The following ZNF630 variants were observed in gnomAD, a reference collection of about 807,000 sequenced individuals.
The protein encoded by ZNF630 is zinc finger protein 630.
In ZNF630, 5 loss-of-function variants were observed where a neutral mutation model predicts 7.2. That is an observed-to-expected ratio of 0.70 (90% CI 0.36 to 1.46). ZNF630 has a LOEUF of 1.46. Among genes scored for constraint, ZNF630 ranks in the 40% most tolerant of loss-of-function variants. The pLI is 0.03. For missense variants in ZNF630, 461 were observed against 477.0 expected, an observed-to-expected ratio of 0.97 and a Z score of 0.31; for synonymous variants, 158 against 162.8, an observed-to-expected ratio of 0.97 and a Z score of 0.23.
At chrX:48,067,403 G>T (rs1488679180) in intron 1 of ZNF630, among the ~76,000 whole-genome samples, 1 of 112,415 alleles carries the variant, frequency 8.9e-6, no homozygotes, top group Admixed American at 9.4e-5. Flanking sequence ...TTTTACCTTA[G>T]GGTAACAGCA....
In ZNF630 at chrX:48,071,590, C is replaced by T. The variant is rs782383948; in HGVS notation, c.-499G>A. The T allele has an allele frequency of 2.3e-4, 25 of 110,952 alleles. No homozygotes were observed. The highest frequency in any genetic ancestry group is 5.7e-5 in the Non-Finnish European group (3 of 52,907). 9.1% of individuals were successfully genotyped at this position (110,952 alleles called of 1,213,427 possible). ...CGAGTTTGGGTATTCGGAATTGATC[C>T]TACGAAAGCAGTGTGAGGCTTGGAA... is the stretch of plus-strand genomic sequence containing the variant. On this transcript the variant is annotated 5_prime_UTR_variant, in exon 1 of 5. Coordinates refer to ENST00000276054, the MANE Select transcript of ZNF630 (RefSeq NM_001282201.2).
Position 48,060,894 on chromosome X carries a change from G to T in ZNF630, c.67C>A (p.Gln23Lys), listed in dbSNP as rs782312426. The T allele has an allele frequency of 6.6e-6, 8 of 1,203,330 alleles. No individual in the cohort carries two copies. The African/African-American group carries it at 1.4e-4, about 21-fold the overall frequency. The change falls in exon 3 of 5, where the codon CAG (glutamine) becomes AAG (lysine). Residue 23 changes from glutamine to lysine, a missense_variant. Coordinates refer to ENST00000276054, the MANE Select transcript of ZNF630 (RefSeq NM_001282201.2). The part of the protein sequence containing the change: ...VAVDFTQEEW[Q>K]QLNPAQKTLH... ...GTCTTCTGAGCAGGATTCAACTGCT[G>T]CCACTCTTCCTGCGTGAAGTCCACA...
rs147766244 is a variant in ZNF630 at position 48,059,194 on chromosome X, T to C, written c.1248A>G (p.Thr416=). The C allele has an allele frequency of 1.2e-4, 150 of 1,206,976 alleles. 2 individuals carry two copies. The highest frequency in any genetic ancestry group is 1.5e-4 in the Non-Finnish European group (137 of 892,952). ...TECGKTFPRK[T]QLIIHQRTHT... is the part of the protein sequence containing the mutation. ...GCGTTCTCTGATGTATAATGAGCTG[T>C]GTTTTCCGAGGGAAGGTCTTCCCAC... Residue 416 remains threonine (T), a synonymous_variant, in exon 5 of 5, where the codon ACA becomes ACG. Transcript: ENST00000276054.
intron 2 of ZNF630, among the ~76,000 whole-genome samples, chrX:48,063,265 CAAA>C (rs782317074): frequency 3.3e-5 from 1 of 30,151 alleles, no homozygotes; most frequent in Admixed American, 4.0e-4. Flanking sequence ...ACTACCTGGC[CAAA>C]AAAAAAAAAA....
rs201458224 is a variant in ZNF630 at position 48,059,594 on chromosome X, C to A, written c.848G>T (p.Arg283Ile). 23 of 1,206,946 alleles carry A rather than the reference C, an allele frequency of 1.9e-5. 1 individual carries two copies. Among genetic ancestry groups the A allele is most frequent in the South Asian group, 1.2e-4 (7 of 56,684 alleles). ...ATATGGTTTCTCTCCAGTATGAATT[C>A]TTTGATGTATAATGAGCTGTGACTT... The part of the protein sequence containing the change: ...IKKSQLIIHQ[R>I]IHTGEKPYVC... The change falls in exon 5 of 5, where the codon AGA (arginine) becomes ATA (isoleucine). Residue 283 changes from arginine (R) to isoleucine (I), a missense_variant. Coordinates refer to ENST00000276054, the MANE Select transcript of ZNF630 (RefSeq NM_001282201.2).
At chrX:48,070,747 C>T (rs1361980237) in intron 1 of ZNF630, among the ~76,000 whole-genome samples, 2 of 109,974 alleles carry the variant, frequency 1.8e-5, no homozygotes, top group Non-Finnish European at 3.8e-5. Context: ...AAAATGTGCT[C>T]AAACTTATTG....
chrX:48,060,314 T>C, intron 4 of ZNF630, 111 bp from the exon 5 acceptor site: 1 of 979,847 alleles, frequency 1.0e-6, no homozygotes, highest in South Asian at 2.4e-5. Flanking sequence ...ACAGAGGTAC[T>C]AGGAAGGTGG....
At chrX:48,068,319 C>T (rs1191287505) in intron 1 of ZNF630, among the ~76,000 whole-genome samples, 2 of 109,504 alleles carry the variant, frequency 1.8e-5, no homozygotes, top group Non-Finnish European at 3.8e-5. Context: ...AAGGGCATTC[C>T]GGGAGGAAGA....
intron 1 of ZNF630, among the ~76,000 whole-genome samples, chrX:48,068,300 A>G (rs781784800): frequency 1.0e-5 from 1 of 100,126 alleles, no homozygotes; most frequent in Non-Finnish European, 2.0e-5. Context: ...AGGAAGGAAG[A>G]AAGGGAGGAA....
At chrX:48,062,876 A>G (rs12389320) in intron 2 of ZNF630, among the ~76,000 whole-genome samples, 8,170 of 105,657 alleles carry the variant, frequency 0.077, 526 homozygotes, top group African/African-American at 0.2. Context: ...GGAGGTCAAG[A>G]CTGCAGTGAG....
intron 2 of ZNF630, chrX:48,066,433 G>A (rs184480402): frequency 2.6e-5 from 3 of 114,108 alleles, no homozygotes; most frequent in Admixed American, 1.9e-4. Flanking sequence ...TGGAAAACAA[G>A]GAAACTATCC....
rs782673983 is a variant in ZNF630, at chrX:48,059,436, C to T, written c.1006G>A (p.Val336Ile). ...RAFSRKSPFT[V>I]HQRVHTGEKP... ...TCTCCAGTATGGACTCTCTGATGAA[C>T]AGTGAAAGGTGACTTCCGGGAGAAT... The change falls in exon 5 of 5, where the codon GTT (valine) becomes ATT (isoleucine). Residue 336 changes from valine to isoleucine, a missense_variant. Physicochemically the swap from Val to Ile is conservative, Grantham distance 29. Transcript: ENST00000276054. 1 of 1,208,060 alleles carries T rather than the reference C, an allele frequency of 8.3e-7. No homozygotes were observed. Among genetic ancestry groups the T allele is most frequent in the Non-Finnish European group, 1.1e-6 (1 of 893,248 alleles).
rs1238902463 is a variant in ZNF630 at position 48,067,051 on chromosome X, G to T, written c.-165C>A. On this transcript the variant is annotated 5_prime_UTR_variant, in exon 2 of 5. Coordinates refer to ENST00000276054, the MANE Select transcript of ZNF630 (RefSeq NM_001282201.2). ...CATCTGACTCGGTAATTCCATTTCC[G>T]GAACTTCGTCCTAAGGTAATAATCA... 3 of 547,602 alleles carry T rather than the reference G, an allele frequency of 5.5e-6. No homozygotes were observed. The highest frequency in any genetic ancestry group is 9.0e-6 in the Non-Finnish European group (3 of 333,455). The allele number at this position is 547,602 out of a possible 1,213,427, so 45.1% of individuals were successfully genotyped here.
intron 2 of ZNF630, among the ~76,000 whole-genome samples, chrX:48,062,792 T>A (rs2059111605): frequency 1.8e-5 from 2 of 109,666 alleles, no homozygotes; most frequent in South Asian, 3.9e-4. Context: ...TACAAAAAAT[T>A]AGCCGGGTGT....
rs782673983 is a variant in ZNF630 at position 48,059,436 on chromosome X, C to G, written c.1006G>C (p.Val336Leu). ...TCTCCAGTATGGACTCTCTGATGAA[C>G]AGTGAAAGGTGACTTCCGGGAGAAT... ...RAFSRKSPFT[V>L]HQRVHTGEKP... is the part of the protein sequence containing the mutation. The change falls in exon 5 of 5, where the codon GTT (valine) becomes CTT (leucine). Residue 336 changes from valine (V) to leucine (L), a missense_variant. Val to Leu is a conservative substitution (Grantham distance 32). Coordinates refer to ENST00000276054, the MANE Select transcript of ZNF630 (RefSeq NM_001282201.2). 2 of 1,208,060 alleles carry G rather than the reference C, an allele frequency of 1.7e-6. No individual in the cohort carries two copies. The highest frequency in any genetic ancestry group is 3.0e-5 in the East Asian group (1 of 33,789).
At position 48,059,476 on chromosome X, in the gene ZNF630, A is replaced by G; in HGVS notation, c.966T>C (p.Thr322=). 8.3e-7 allele frequency: 1 copy of G among 1,208,268 alleles called. No homozygotes were observed. Among genetic ancestry groups the G allele is most frequent in the Admixed American group, 2.2e-5 (1 of 45,956 alleles). The part of the protein sequence containing the change: ...IHTGEKPYEC[T]KYGRAFSRKS... ...TCCGGGAGAATGCTCTTCCATACTT[A>G]GTACATTCATAGGGTTTCTCCCCAG... Residue 322 remains threonine (T), a synonymous_variant, in exon 5 of 5, where the codon ACT becomes ACC. Transcript: ENST00000276054.
At position 48,059,458 on chromosome X, in the gene ZNF630, G is replaced by T. The variant is rs1556908635; in HGVS notation, c.984C>A (p.Phe328Leu). ...PYECTKYGRA[F>L]SRKSPFTVHQ... The stretch of plus-strand genomic sequence containing the variant: ...GAACAGTGAAAGGTGACTTCCGGGA[G>T]AATGCTCTTCCATACTTAGTACATT... The change falls in exon 5 of 5, where the codon TTC becomes TTA. Residue 328 changes from phenylalanine to leucine, a missense_variant. By Grantham distance (22) the Phe-to-Leu change is conservative (BLOSUM62 0). Coordinates refer to ENST00000276054, the MANE Select transcript of ZNF630 (RefSeq NM_001282201.2). The T allele has an allele frequency of 1.7e-6, 2 of 1,206,343 alleles. No homozygotes were observed.
intron 3 of ZNF630, 121 bp downstream of exon 3, chrX:48,060,698 A>G (rs2059101238): frequency 1.0e-6 from 1 of 970,728 alleles, no homozygotes. Context: ...AAACATGAAA[A>G]ACCAAAACTA....
At position 48,065,455 on chromosome X, in the gene ZNF630, A is replaced by AAGAG. The variant is rs57013482; in HGVS notation, c.15+1413_15+1416dup. On this transcript the variant is annotated intron_variant, in intron 2 of 4. Coordinates refer to ENST00000276054, the MANE Select transcript of ZNF630 (RefSeq NM_001282201.2). ...GGTCTCAAAAAAAAAGAAAGAAAGA[A>AAGAG]AGAGAGAGAGAGAGAGAGAGAGAGG... Among the ~76,000 whole-genome samples, 102 of 62,131 alleles carry AAGAG rather than the reference A, an allele frequency of 1.6e-3. 1 individual carries two copies. The highest frequency in any genetic ancestry group is 6.7e-3 in the Middle Eastern group (1 of 150). The allele number at this position is 62,131 out of a possible 115,157, so 54.0% of individuals were successfully genotyped here. A position where few individuals can be genotyped will look rare whatever the true frequency, so the allele number is the denominator to read the frequency against.
Sources: gnomAD v4.1 joint callset for allele counts (sites outside exome capture counted in the v4.1 genomes callset) on GRCh38, gnomAD v4.1.1 for gene constraint, MANE v1.5 for transcripts, NCBI Gene and HGNC (gene_info 2026-07-23, HGNC 2026-07-21) for gene names.